Variants in SLC6A4 observed in about 807,000 individuals in gnomAD.
The protein encoded by SLC6A4 is sodium-dependent serotonin transporter.
Under a neutral mutation model 73.4 loss-of-function variants are expected in SLC6A4, and 22 were observed. The ratio of observed to expected loss-of-function variants is 0.30; its 90% CI spans 0.21 to 0.43. The LOEUF (loss-of-function observed/expected upper bound fraction) is 0.43. Ranked by LOEUF, SLC6A4 falls within the 20% of genes least tolerant of loss-of-function variation. The probability of loss-of-function intolerance (pLI) is 1.00; values close to 1 mark genes in which losing one functional copy is unlikely to be tolerated. For missense variants in SLC6A4, 593 were observed against 808.5 expected, an observed-to-expected ratio of 0.73 and a Z score of 3.23; for synonymous variants, 270 against 315.5, an observed-to-expected ratio of 0.86 and a Z score of 1.53.
At chr17:30,206,712 CTTTTT>C (rs1056871791) in intron 13 of SLC6A4, among the ~76,000 whole-genome samples, 3 of 80,292 alleles carry the variant, frequency 3.7e-5, no homozygotes, top group African/African-American at 1.0e-4. Context: ...CTTTTCTTTT[CTTTTT>C]TTTTTTTTTT....
rs975121278 is a variant in SLC6A4 at position 30,211,523 on chromosome 17, T to C, written c.1205-99A>G. 1.8e-4 allele frequency: 136 copies of C among 748,374 alleles called. No individual in the cohort carries two copies. Among genetic ancestry groups the C allele is most frequent in the Middle Eastern group, 1.6e-3 (7 of 4,278 alleles). 46.4% of individuals were successfully genotyped at this position (748,374 alleles called of 1,614,324 possible). ...GCCACAACAACAGTTACAATTCTCA[T>C]CACAAGACCTTATGTGTGAATCAGG... On this transcript the variant is annotated intron_variant, in intron 9 of 14. Coordinates refer to ENST00000650711, the MANE Select transcript of SLC6A4 (RefSeq NM_001045.6). The surrounding 1 kb of genome is among the most constrained non-coding windows in gnomAD (Gnocchi z 4.0).
At chr17:30,216,475 G>C (rs1259301663) in intron 6 of SLC6A4, among the ~76,000 whole-genome samples, 2 of 152,128 alleles carry the variant, frequency 1.3e-5, no homozygotes, top group Admixed American at 1.3e-4. Flanking sequence ...CTGTAAGGTT[G>C]AGGGAGTATC....
chr17:30,207,087 G>C (rs1567816376), intron 13 of SLC6A4, among the ~76,000 whole-genome samples: 1 of 152,168 alleles, frequency 6.6e-6, no homozygotes. Flanking sequence ...AGAAAAGTGA[G>C]TGTAAGTTGA....
chr17:30,206,701 T>C (rs1177576103), intron 13 of SLC6A4, among the ~76,000 whole-genome samples: 1 of 122,728 alleles, frequency 8.1e-6, no homozygotes, highest in Admixed American at 7.9e-5. Flanking sequence ...TCTCCTTTTT[T>C]CTTTTCTTTT....
chr17:30,225,653 A>C (rs1364631057), intron 1 of SLC6A4, among the ~76,000 whole-genome samples: 8 of 152,128 alleles, frequency 5.3e-5, no homozygotes. Flanking sequence ...CTTCCTTTGC[A>C]TCTTGGATGT....
intron 1 of SLC6A4, among the ~76,000 whole-genome samples, chr17:30,226,738 C>T (rs976908405): frequency 2.4e-4 from 37 of 151,514 alleles, no homozygotes; most frequent in African/African-American, 8.2e-4. Context: ...AAAAATGAGC[C>T]GGGCGTGGTG....
intron 1 of SLC6A4, among the ~76,000 whole-genome samples, chr17:30,226,161 C>T (rs1906918196): frequency 6.6e-6 from 1 of 152,156 alleles, no homozygotes; most frequent in Non-Finnish European, 1.5e-5. Flanking sequence ...TCAAAACAAA[C>T]AAAAACAAAT....
At chr17:30,221,578 C>G in intron 3 of SLC6A4, 38 bp downstream of exon 3, 1 of 1,575,782 alleles carries the variant, frequency 6.3e-7, no homozygotes, top group Non-Finnish European at 8.7e-7. Flanking sequence ...ACAGCCCACC[C>G]TGGGTCACAG....
At chr17:30,220,482 C>T (rs577564119) in intron 3 of SLC6A4, among the ~76,000 whole-genome samples, 1 of 152,200 alleles carries the variant, frequency 6.6e-6, no homozygotes, top group South Asian at 2.1e-4. Context: ...GATAGGGCCT[C>T]TGGCCTCAAA....
In SLC6A4 at chr17:30,215,672, G is replaced by A; in HGVS notation, c.1015C>T (p.Pro339Ser). Residue 339 changes from proline (P) to serine (S), a missense_variant, in exon 8 of 15, where the codon CCG (proline) becomes TCG (serine). Pro to Ser is a moderately conservative substitution (Grantham distance 74). Transcript: ENST00000650711. The stretch of plus-strand genomic sequence containing the variant: ...AAAGCCAGCAGGACCCCAAAGCCCG[G>A]ACCAAGAGAGAAGAAGATCTGAGCG... ...AAAQIFFSLGPGFGVLLAFAS... is the reference protein window; with the variant it reads ...AAAQIFFSLGSGFGVLLAFAS... 6.2e-7 allele frequency: 1 copy of A among 1,614,126 alleles called. No homozygotes were observed. The highest frequency in any genetic ancestry group is 8.5e-7 in the Non-Finnish European group (1 of 1,180,008).
chr17:30,228,090 C>A (rs1906983432), intron 1 of SLC6A4, among the ~76,000 whole-genome samples: 1 of 152,206 alleles, frequency 6.6e-6, no homozygotes, highest in Non-Finnish European at 1.5e-5. Flanking sequence ...AACAGCCAAG[C>A]CCAGACTAAC....
chr17:30,230,923 TG>T (rs1907092224), intron 1 of SLC6A4, among the ~76,000 whole-genome samples: 1 of 152,140 alleles, frequency 6.6e-6, no homozygotes. Flanking sequence ...GTCACACAGT[TG>T]GAGACACTCA....
At chr17:30,231,721 C>G (rs533165638) in intron 1 of SLC6A4, among the ~76,000 whole-genome samples, 31 of 152,294 alleles carry the variant, frequency 2.0e-4, no homozygotes, top group African/African-American at 7.2e-4. Flanking sequence ...TAGCCCTCAG[C>G]CAGTGCTGGG....
chr17:30,210,653 G>A lies in SLC6A4; in HGVS notation c.1318-7C>T. On this transcript the variant is annotated splice_polypyrimidine_tract_variant and splice_region_variant and intron_variant, in intron 10 of 14. Transcript: ENST00000650711. ...CCCCCTCCAAGCCTGCAAACTGAGAGGTACAGGCAAGCAGTCACGGTGGAG... is the reference window on the plus strand; with the variant it reads ...CCCCCTCCAAGCCTGCAAACTGAGAAGTACAGGCAAGCAGTCACGGTGGAG... 1 of 1,609,772 alleles carries A rather than the reference G, an allele frequency of 6.2e-7. No individual in the cohort carries two copies. The highest frequency in any genetic ancestry group is 8.5e-7 in the Non-Finnish European group (1 of 1,177,818).
Position 30,195,244 on chromosome 17 carries a change from AT to A in SLC6A4, c.*3211del, listed in dbSNP as rs1429288656. The A allele has an allele frequency of 6.6e-6, 1 of 152,348 alleles. No individual in the cohort carries two copies. Among genetic ancestry groups the A allele is most frequent in the Non-Finnish European group, 1.5e-5 (1 of 68,188 alleles). The allele number at this position is 152,348 out of a possible 1,614,324, so 9.4% of individuals were successfully genotyped here. The stretch of plus-strand genomic sequence containing the variant: ...TCTTTTCTATCGTGGTATTAAACCA[AT>A]TGAGAGGGTTTTTTTGTTTTTGTTT... On this transcript the variant is annotated 3_prime_UTR_variant, in exon 15 of 15. Transcript: ENST00000650711.
chr17:30,218,346 T>C lies in SLC6A4; in HGVS notation c.479-9A>G. 1 of 1,607,556 alleles carries C rather than the reference T, an allele frequency of 6.2e-7. No individual in the cohort carries two copies. The highest frequency in any genetic ancestry group is 8.5e-7 in the Non-Finnish European group (1 of 1,174,840). On this transcript the variant is annotated splice_polypyrimidine_tract_variant and intron_variant, in intron 4 of 14. Transcript: ENST00000650711. ...GATGGCATAACCAATCCCTGGGCAG[T>C]GGGTGAGATGGAGAGACAGAGGCCG... is the stretch of plus-strand genomic sequence containing the variant.
chr17:30,204,602 A>G (rs1906132796), intron 13 of SLC6A4: 1 of 152,190 alleles, frequency 6.6e-6, no homozygotes, highest in African/African-American at 2.4e-5. Context: ...CTACTTCAGA[A>G]ACCCCCTCAC....
chr17:30,234,661 C>T (rs1219878986), intron 1 of SLC6A4, among the ~76,000 whole-genome samples: 1 of 152,182 alleles, frequency 6.6e-6, no homozygotes, highest in Non-Finnish European at 1.5e-5. Context: ...TAACTGAAGG[C>T]AAAACACATT....
In SLC6A4 at chr17:30,211,992, A is replaced by T. The variant is rs1906400628; in HGVS notation, c.1205-568T>A. ...GGGTATGGGGTTGGTCAAAGCACCG[A>T]ATCAGGCCAAAGATACAAGCATGCT... is the stretch of plus-strand genomic sequence containing the variant. On this transcript the variant is annotated intron_variant, in intron 9 of 14. Coordinates refer to ENST00000650711, the MANE Select transcript of SLC6A4 (RefSeq NM_001045.6). The surrounding 1 kb of genome is among the most constrained non-coding windows in gnomAD (Gnocchi z 4.0). Among the ~76,000 whole-genome samples the T allele has an allele frequency of 6.6e-6, 1 of 152,160 alleles. No individual in the cohort carries two copies. The highest frequency in any genetic ancestry group is 1.5e-5 in the Non-Finnish European group (1 of 68,030).
Sources: gnomAD v4.1 joint callset for allele counts (sites outside exome capture counted in the v4.1 genomes callset) on GRCh38, gnomAD v4.1.1 for gene constraint, Gnocchi (gnomAD v3.1) non-coding constraint, MANE v1.5 for transcripts, NCBI Gene and HGNC (gene_info 2026-07-23, HGNC 2026-07-21) for gene names.